CENPVL3: variants seen among roughly 807,000 people sequenced by gnomAD.
CENPVL3 encodes centromere protein V like 3.
Position 51,618,674 on chromosome X carries a change from G to A in CENPVL3, c.200C>T (p.Ala67Val), listed in dbSNP as rs538868460. The A allele has an allele frequency of 4.4e-3, 1,309 of 296,716 alleles. 3 individuals are homozygous for A. The highest frequency in any genetic ancestry group is 0.016 in the Middle Eastern group (18 of 1,134). The allele number at this position is 296,716 out of a possible 1,213,427, so 24.5% of individuals were successfully genotyped here. A position where few individuals can be genotyped will look rare whatever the true frequency, so the allele number is the denominator to read the frequency against. ...CGGATCTCTGGAGCCCGCCTCCCGG[G>A]CCCGCCGCCACCGGCGCTTCCGCCG... ...KLRRKRRWRR[A>V]REAGSRDPLP... The change falls in exon 1 of 1, where the codon GCC becomes GTC. Residue 67 changes from alanine (A) to valine (V), a missense_variant. By Grantham distance (64) the Ala-to-Val change is moderately conservative. Transcript: ENST00000417339.
At position 51,617,503 on chromosome X, in the gene CENPVL3, T is replaced by C. The variant is rs112396448; in HGVS notation, c.*552A>G. 715 of 112,320 alleles carry C rather than the reference T, an allele frequency of 6.4e-3. 7 individuals are homozygous for C. The highest frequency in any genetic ancestry group is 0.022 in the African/African-American group (673 of 30,833). The allele number at this position is 112,320 out of a possible 1,213,427, so 9.3% of individuals were successfully genotyped here. ...ATAAGAGCAATGAGGTATGTAATACTAATGAATCTTAAAACATATCATATA... is the reference window on the plus strand; with the variant it reads ...ATAAGAGCAATGAGGTATGTAATACCAATGAATCTTAAAACATATCATATA... On this transcript the variant is annotated 3_prime_UTR_variant, in exon 1 of 1. Transcript: ENST00000417339.
rs1282187028 is a variant in CENPVL3 at position 51,618,541 on chromosome X, GC to G, written c.332del (p.Gly111AlafsTer170). 3.4e-6 allele frequency: 1 copy of G among 298,166 alleles called. No homozygotes were observed. The highest frequency in any genetic ancestry group is 5.9e-6 in the Non-Finnish European group (1 of 170,417). The allele number at this position is 298,166 out of a possible 1,213,427, so 24.6% of individuals were successfully genotyped here. A position where few individuals can be genotyped will look rare whatever the true frequency, so the allele number is the denominator to read the frequency against. On this transcript the variant is annotated frameshift_variant, in exon 1 of 1. Transcript: ENST00000417339. LOFTEE classifies it low-confidence loss of function (END_TRUNC). Reference sequence around the variant, plus strand: ...CCTTGGCGGCGCCCTCGCAGCTGAGGCCCCACAGTTTCCTGAACGTCTCCCA... The same window carrying G: ...CCTTGGCGGCGCCCTCGCAGCTGAGGCCCACAGTTTCCTGAACGTCTCCCA... Reference protein sequence around the residue: ...ERWETFRKLWGLSCEGAAKVL... With the variant: ...ERWETFRKLWXLSCEGAAKVL...
At position 51,618,498 on chromosome X, in the gene CENPVL3, C is replaced by G. The variant is rs1314554713; in HGVS notation, c.376G>C (p.Glu126Gln). The change falls in exon 1 of 1, where the codon GAG (glutamate) becomes CAG (glutamine). Residue 126 changes from glutamate (E) to glutamine (Q), a missense_variant. By Grantham distance (29) the Glu-to-Gln change is conservative. Transcript: ENST00000417339. ...GTGTGATGCACGAGGCCCGGGTACT[C>G]GAAGGTGTCCAGCAGGACCTTGGCG... ...GAAKVLLDTF[E>Q]YPGLVHHTGG... 14 of 294,246 alleles carry G rather than the reference C, an allele frequency of 4.8e-5. No homozygotes were observed. The highest frequency in any genetic ancestry group is 7.1e-5 in the Non-Finnish European group (12 of 169,420). 24.2% of individuals were successfully genotyped at this position (294,246 alleles called of 1,213,427 possible).
chrX:51,618,701 A>C lies in CENPVL3; in HGVS notation c.173T>G (p.Leu58Trp), dbSNP rs1395737274. The C allele has an allele frequency of 4.0e-5, 12 of 296,370 alleles. No individual in the cohort carries two copies. Among genetic ancestry groups the C allele is most frequent in the Non-Finnish European group, 5.9e-5 (10 of 169,706 alleles). The allele number at this position is 296,370 out of a possible 1,213,427, so 24.4% of individuals were successfully genotyped here. ...CCGCCGCCACCGGCGCTTCCGCCGC[A>C]ACTTTCCCAGCCACCTCTTGGCCGC... ...HAAAKRWLGK[L>W]RRKRRWRRAR... The change falls in exon 1 of 1, where the codon TTG becomes TGG. Residue 58 changes from leucine (L) to tryptophan (W), a missense_variant. Physicochemically the swap from Leu to Trp is moderately conservative, Grantham distance 61. Transcript: ENST00000417339.
rs782363667 is a variant in CENPVL3, at chrX:51,618,595, C to A, written c.279G>T (p.Glu93Asp). 8.8e-4 allele frequency: 262 copies of A among 297,097 alleles called. 1 individual carries two copies. In the East Asian group the frequency reaches 9.8e-3, roughly 11 times the overall value. 24.5% of individuals were successfully genotyped at this position (297,097 alleles called of 1,213,427 possible). ...DPPAPAESPKELDLGAQRERW... is the reference protein window; with the variant it reads ...DPPAPAESPKDLDLGAQRERW... The stretch of plus-strand genomic sequence containing the variant: ...GCTCCCGCTGTGCGCCCAGGTCCAG[C>A]TCCTTAGGGGACTCGGCGGGCGCCG... The change falls in exon 1 of 1, where the codon GAG becomes GAT. Residue 93 changes from glutamate to aspartate, a missense_variant. By Grantham distance (45) the Glu-to-Asp change is conservative. Transcript: ENST00000417339.
In CENPVL3 at chrX:51,617,217, T is replaced by G. The variant is rs1318127606; in HGVS notation, c.*838A>C. On this transcript the variant is annotated 3_prime_UTR_variant, in exon 1 of 1. Coordinates refer to ENST00000417339, the MANE Select transcript of CENPVL3 (RefSeq NM_001355276.2). ...TGATATGTATCATTGAACCCACCAC[T>G]GATTGTTTGATAAAAATTTCAGATA... 1 of 112,097 alleles carries G rather than the reference T, an allele frequency of 8.9e-6. No homozygotes were observed. The highest frequency in any genetic ancestry group is 1.9e-5 in the Non-Finnish European group (1 of 53,254). 9.2% of individuals were successfully genotyped at this position (112,097 alleles called of 1,213,427 possible). A position where few individuals can be genotyped will look rare whatever the true frequency, so the allele number is the denominator to read the frequency against.
rs1335382289 is a variant in CENPVL3, at chrX:51,617,377, G to A, written c.*678C>T. 4 of 111,259 alleles carry A rather than the reference G, an allele frequency of 3.6e-5. No homozygotes were observed. Among genetic ancestry groups the A allele is most frequent in the African/African-American group, 1.3e-4 (4 of 30,526 alleles). 9.2% of individuals were successfully genotyped at this position (111,259 alleles called of 1,213,427 possible). A position where few individuals can be genotyped will look rare whatever the true frequency, so the allele number is the denominator to read the frequency against. The stretch of plus-strand genomic sequence containing the variant: ...ATAGGTATTTAGAAAGATTAAAGAG[G>A]GCATACAGCACACAGACGTTTCTCA... On this transcript the variant is annotated 3_prime_UTR_variant, in exon 1 of 1. Transcript: ENST00000417339.
rs1375309287 is a variant in CENPVL3, at chrX:51,618,517, C to T, written c.357G>A (p.Lys119=). The T allele has an allele frequency of 6.8e-6, 2 of 295,570 alleles. No individual in the cohort carries two copies. Among genetic ancestry groups the T allele is most frequent in the African/African-American group, 2.7e-5 (1 of 36,448 alleles). 24.4% of individuals were successfully genotyped at this position (295,570 alleles called of 1,213,427 possible). A position where few individuals can be genotyped will look rare whatever the true frequency, so the allele number is the denominator to read the frequency against. Residue 119 remains lysine, a synonymous_variant, in exon 1 of 1, where the codon AAG becomes AAA. Transcript: ENST00000417339. ...GGTACTCGAAGGTGTCCAGCAGGAC[C>T]TTGGCGGCGCCCTCGCAGCTGAGGC... ...LWGLSCEGAA[K]VLLDTFEYPG... is the part of the protein sequence containing the mutation.
chrX:51,617,075 ATAT>A lies in CENPVL3; in HGVS notation c.*977_*979del, dbSNP rs1922299329. On this transcript the variant is annotated 3_prime_UTR_variant, in exon 1 of 1. Transcript: ENST00000417339. ...TTTATTAGAAGTTTGCTCCTTTGAA[ATAT>A]TATTATTACACTGAAAGTTGGAAAA... 1 of 111,885 alleles carries A rather than the reference ATAT, an allele frequency of 8.9e-6. No homozygotes were observed. Among genetic ancestry groups the A allele is most frequent in the Non-Finnish European group, 1.9e-5 (1 of 53,190 alleles). 9.2% of individuals were successfully genotyped at this position (111,885 alleles called of 1,213,427 possible).
At position 51,617,156 on chromosome X, in the gene CENPVL3, A is replaced by T. The variant is rs1410809315; in HGVS notation, c.*899T>A. 11 of 112,119 alleles carry T rather than the reference A, an allele frequency of 9.8e-5. No individual in the cohort carries two copies. Among genetic ancestry groups the T allele is most frequent in the African/African-American group, 2.6e-4 (8 of 30,881 alleles). 9.2% of individuals were successfully genotyped at this position (112,119 alleles called of 1,213,427 possible). Reference sequence around the variant, plus strand: ...ATTACATAAATTATGAAAGATCCATATTTTTTAATTCTATGAAGCCATAAA... The same window carrying T: ...ATTACATAAATTATGAAAGATCCATTTTTTTTAATTCTATGAAGCCATAAA... On this transcript the variant is annotated 3_prime_UTR_variant, in exon 1 of 1. Coordinates refer to ENST00000417339, the MANE Select transcript of CENPVL3 (RefSeq NM_001355276.2).
rs1557340184 is a variant in CENPVL3 at position 51,618,605 on chromosome X, G to C, written c.269C>G (p.Ser90Cys). Residue 90 changes from serine to cysteine, a missense_variant, in exon 1 of 1, where the codon TCC (serine) becomes TGC (cysteine). Physicochemically the swap from Ser to Cys is moderately radical, Grantham distance 112 (BLOSUM62 -1). Coordinates refer to ENST00000417339, the MANE Select transcript of CENPVL3 (RefSeq NM_001355276.2). ...TGCGCCCAGGTCCAGCTCCTTAGGGGACTCGGCGGGCGCCGGCGGGTCCGG... is the reference window on the plus strand; with the variant it reads ...TGCGCCCAGGTCCAGCTCCTTAGGGCACTCGGCGGGCGCCGGCGGGTCCGG... Reference protein sequence around the residue: ...PLPDPPAPAESPKELDLGAQR... With the variant: ...PLPDPPAPAECPKELDLGAQR... The C allele has an allele frequency of 6.7e-6, 2 of 296,832 alleles. No individual in the cohort carries two copies. The highest frequency in any genetic ancestry group is 1.2e-5 in the Non-Finnish European group (2 of 169,987). The allele number at this position is 296,832 out of a possible 1,213,427, so 24.5% of individuals were successfully genotyped here. A position where few individuals can be genotyped will look rare whatever the true frequency, so the allele number is the denominator to read the frequency against.
In CENPVL3 at chrX:51,617,109, A is replaced by G. The variant is rs183382958; in HGVS notation, c.*946T>C. The stretch of plus-strand genomic sequence containing the variant: ...TTACACTGAAAGTTGGAAAAAAGCT[A>G]AACATCCATCAGAGGAGGTTGATTA... On this transcript the variant is annotated 3_prime_UTR_variant, in exon 1 of 1. Transcript: ENST00000417339. 1.8e-5 allele frequency: 2 copies of G among 111,993 alleles called. No homozygotes were observed. The highest frequency in any genetic ancestry group is 1.9e-4 in the Admixed American group (2 of 10,552). The allele number at this position is 111,993 out of a possible 1,213,427, so 9.2% of individuals were successfully genotyped here.
chrX:51,618,820 G>A lies in CENPVL3; in HGVS notation c.54C>T (p.Pro18=), dbSNP rs1172475645. The change falls in exon 1 of 1, where the codon CCC becomes CCT. Residue 18 remains proline, a synonymous_variant. Transcript: ENST00000417339. The stretch of plus-strand genomic sequence containing the variant: ...CCGCGCAGGCGGCGGGAGGATCCCC[G>A]GGCCGCTTTCGCCTCCGCCGCTGAG... ...ATAQRRRRKR[P]GDPPAACAAI... 1 of 296,825 alleles carries A rather than the reference G, an allele frequency of 3.4e-6. No homozygotes were observed. The highest frequency in any genetic ancestry group is 5.9e-6 in the Non-Finnish European group (1 of 169,971). 24.5% of individuals were successfully genotyped at this position (296,825 alleles called of 1,213,427 possible). A position where few individuals can be genotyped will look rare whatever the true frequency, so the allele number is the denominator to read the frequency against.
rs909914498 is a variant in CENPVL3, at chrX:51,617,369, T to C, written c.*686A>G. ...TGTATAAGATAGGTATTTAGAAAGA[T>C]TAAAGAGGGCATACAGCACACAGAC... On this transcript the variant is annotated 3_prime_UTR_variant, in exon 1 of 1. Transcript: ENST00000417339. The C allele has an allele frequency of 2.7e-5, 3 of 111,904 alleles. No individual in the cohort carries two copies. Among genetic ancestry groups the C allele is most frequent in the Non-Finnish European group, 5.6e-5 (3 of 53,262 alleles). The allele number at this position is 111,904 out of a possible 1,213,427, so 9.2% of individuals were successfully genotyped here.
At position 51,618,605 on chromosome X, in the gene CENPVL3, G is replaced by T; in HGVS notation, c.269C>A (p.Ser90Tyr). Residue 90 changes from serine to tyrosine, a missense_variant, in exon 1 of 1, where the codon TCC (serine) becomes TAC (tyrosine). Coordinates refer to ENST00000417339, the MANE Select transcript of CENPVL3 (RefSeq NM_001355276.2). ...TGCGCCCAGGTCCAGCTCCTTAGGG[G>T]ACTCGGCGGGCGCCGGCGGGTCCGG... is the stretch of plus-strand genomic sequence containing the variant. ...PLPDPPAPAE[S>Y]PKELDLGAQR... 3.4e-6 allele frequency: 1 copy of T among 297,863 alleles called. No homozygotes were observed. The highest frequency in any genetic ancestry group is 5.9e-6 in the Non-Finnish European group (1 of 170,174). 24.5% of individuals were successfully genotyped at this position (297,863 alleles called of 1,213,427 possible).
rs1212411760 is a variant in CENPVL3 at position 51,618,496 on chromosome X, C to G, written c.378G>C (p.Glu126Asp). The G allele has an allele frequency of 6.8e-6, 2 of 294,123 alleles. No homozygotes were observed. The highest frequency in any genetic ancestry group is 5.6e-5 in the African/African-American group (2 of 36,018). 24.2% of individuals were successfully genotyped at this position (294,123 alleles called of 1,213,427 possible). The change falls in exon 1 of 1, where the codon GAG (glutamate) becomes GAC (aspartate). Residue 126 changes from glutamate to aspartate, a missense_variant. Physicochemically the swap from Glu to Asp is conservative, Grantham distance 45. Coordinates refer to ENST00000417339, the MANE Select transcript of CENPVL3 (RefSeq NM_001355276.2). The stretch of plus-strand genomic sequence containing the variant: ...CGGTGTGATGCACGAGGCCCGGGTA[C>G]TCGAAGGTGTCCAGCAGGACCTTGG... ...GAAKVLLDTF[E>D]YPGLVHHTGG...
In CENPVL3 at chrX:51,617,646, G is replaced by A. The variant is rs1254496329; in HGVS notation, c.*409C>T. 7.6e-6 allele frequency: 1 copy of A among 131,454 alleles called. No individual in the cohort carries two copies. Among genetic ancestry groups the A allele is most frequent in the Non-Finnish European group, 1.5e-5 (1 of 66,632 alleles). The allele number at this position is 131,454 out of a possible 1,213,427, so 10.8% of individuals were successfully genotyped here. ...CCTAGCACATGTTTACAAACTGTTTGTGTGTTGCCGTCCTACACACCAGAC... is the reference window on the plus strand; with the variant it reads ...CCTAGCACATGTTTACAAACTGTTTATGTGTTGCCGTCCTACACACCAGAC... On this transcript the variant is annotated 3_prime_UTR_variant, in exon 1 of 1. Coordinates refer to ENST00000417339, the MANE Select transcript of CENPVL3 (RefSeq NM_001355276.2).
In CENPVL3 at chrX:51,618,730, G is replaced by A. The variant is rs1392691929; in HGVS notation, c.144C>T (p.His48=). The A allele has an allele frequency of 1.0e-5, 3 of 296,528 alleles. No homozygotes were observed. Among genetic ancestry groups the A allele is most frequent in the Non-Finnish European group, 1.8e-5 (3 of 169,709 alleles). The allele number at this position is 296,528 out of a possible 1,213,427, so 24.4% of individuals were successfully genotyped here. A position where few individuals can be genotyped will look rare whatever the true frequency, so the allele number is the denominator to read the frequency against. ...TTCCCAGCCACCTCTTGGCCGCCGC[G>A]TGGCTCCCGACCCCGACTTGGACCC... The part of the protein sequence containing the change: ...CPRVQVGVGS[H]AAAKRWLGKL... Residue 48 remains histidine, a synonymous_variant, in exon 1 of 1, where the codon CAC becomes CAT. Transcript: ENST00000417339.
Position 51,618,783 on chromosome X carries a change from T to G in CENPVL3, c.91A>C (p.Met31Leu), listed in dbSNP as rs1234274576. Residue 31 changes from methionine (M) to leucine (L), a missense_variant, in exon 1 of 1, where the codon ATG (methionine) becomes CTG (leucine). Physicochemically the swap from Met to Leu is conservative, Grantham distance 15. Transcript: ENST00000417339. ...GGGCACTGCGCGCGGCTGGCGCCCA[T>G]GACCGCGATGGCCGCGCAGGCGGCG... is the stretch of plus-strand genomic sequence containing the variant. ...PPAACAAIAV[M>L]GASRAQCPRV... 4 of 297,430 alleles carry G rather than the reference T, an allele frequency of 1.3e-5. No homozygotes were observed. Among genetic ancestry groups the G allele is most frequent in the Non-Finnish European group, 1.8e-5 (3 of 169,882 alleles). 24.5% of individuals were successfully genotyped at this position (297,430 alleles called of 1,213,427 possible).
Sources: gnomAD v4.1 joint callset for allele counts on GRCh38, gnomAD v4.1.1 for gene constraint, MANE v1.5 for transcripts, NCBI Gene and HGNC (gene_info 2026-07-23, HGNC 2026-07-21) for gene names.